Variants in PRDM10 observed in about 807,000 individuals in gnomAD.
The protein encoded by PRDM10 is PR/SET domain 10.
In PRDM10, 65 loss-of-function variants were observed where a neutral mutation model predicts 133.1. The observed-to-expected ratio is 0.49, with a 90% confidence interval of 0.40 to 0.60. PRDM10 has a LOEUF of 0.60. Ranked by LOEUF, PRDM10 falls within the 20% of genes least tolerant of loss-of-function variation. The pLI is 0.00. For missense variants in PRDM10, 1,137 were observed against 1,507.1 expected (o/e 0.75, Z 4.07); for synonymous variants, 582 against 580.4 (o/e 1.00, Z -0.04).
intron 4 of PRDM10, among the ~76,000 whole-genome samples, chr11:129,948,682 C>T (rs371854204): frequency 1.6e-4 from 25 of 152,322 alleles, no homozygotes; most frequent in African/African-American, 5.3e-4. Flanking sequence ...GTAACCCTTC[C>T]GCCACAAGAA....
intron 16 of PRDM10, 63 bp downstream of exon 16, chr11:129,915,596 CT>C: frequency 6.7e-7 from 1 of 1,496,370 alleles, no homozygotes; most frequent in Non-Finnish European, 8.9e-7. Flanking sequence ...GAGAAGCCAC[CT>C]TTCCTTAAGA....
intron 9 of PRDM10, among the ~76,000 whole-genome samples, chr11:129,934,068 C>A (rs1054525454): frequency 1.3e-5 from 2 of 152,218 alleles, no homozygotes; most frequent in African/African-American, 4.8e-5. Flanking sequence ...TCCACTGGAA[C>A]CACTCCCTCG....
At chr11:129,989,040 A>G (rs1342306273) in intron 1 of PRDM10, among the ~76,000 whole-genome samples, 1 of 152,242 alleles carries the variant, frequency 6.6e-6, no homozygotes, top group Non-Finnish European at 1.5e-5. Flanking sequence ...GGATGGGGCT[A>G]TAAAAGACCA....
At chr11:129,925,318 C>T in intron 11 of PRDM10, 89 bp from the exon 12 acceptor site, 2 of 1,236,084 alleles carry the variant, frequency 1.6e-6, no homozygotes, top group Admixed American at 5.5e-5. Flanking sequence ...AGGATGATCT[C>T]TGCAATCACA....
intron 2 of PRDM10, among the ~76,000 whole-genome samples, chr11:129,958,305 C>A (rs1422351295): frequency 1.3e-5 from 2 of 152,150 alleles, no homozygotes; most frequent in Middle Eastern, 3.2e-3. Flanking sequence ...CATAAGAATT[C>A]TATTTTATAA....
At chr11:129,998,374 G>GT (rs1186403270) in intron 1 of PRDM10, among the ~76,000 whole-genome samples, 1 of 150,194 alleles carries the variant, frequency 6.7e-6, no homozygotes, top group African/African-American at 2.5e-5. Context: ...AAGGACATGG[G>GT]TTAAAAAAAA....
intron 1 of PRDM10, among the ~76,000 whole-genome samples, chr11:129,963,579 C>A (rs1951846133): frequency 1.3e-5 from 2 of 152,132 alleles, no homozygotes. Flanking sequence ...CAGTTCCCTG[C>A]ATGTTAACAT....
chr11:129,969,516 T>G (rs562206585), intron 1 of PRDM10, among the ~76,000 whole-genome samples: 8 of 152,118 alleles, frequency 5.3e-5, no homozygotes, highest in South Asian at 2.1e-4. Flanking sequence ...TAGGAAGGCC[T>G]GGCACAGTGG....
At chr11:129,939,960 A>C (rs1414212406) in intron 7 of PRDM10, among the ~76,000 whole-genome samples, 1 of 152,202 alleles carries the variant, frequency 6.6e-6, no homozygotes, top group Non-Finnish European at 1.5e-5. Flanking sequence ...CAGAACACTT[A>C]TTTTTAAAAT....
At chr11:129,995,837 T>C (rs1215746103) in intron 1 of PRDM10, among the ~76,000 whole-genome samples, 4 of 151,972 alleles carry the variant, frequency 2.6e-5, no homozygotes, top group African/African-American at 7.3e-5. Context: ...TCCCAGCTAC[T>C]TGGGGGGCTG....
intron 1 of PRDM10, among the ~76,000 whole-genome samples, chr11:129,966,711 T>G (rs1951914286): frequency 1.3e-5 from 2 of 152,222 alleles, no homozygotes; most frequent in South Asian, 4.1e-4. Flanking sequence ...GATGTGTTGT[T>G]ATTACTGAGA....
intron 1 of PRDM10, among the ~76,000 whole-genome samples, chr11:129,965,733 T>G (rs1565499685): frequency 6.8e-6 from 1 of 147,064 alleles, no homozygotes; most frequent in Non-Finnish European, 1.5e-5. Context: ...AAGAAACATG[T>G]TTATCAAAAA....
At chr11:129,959,622 T>C (rs1951758095) in intron 2 of PRDM10, among the ~76,000 whole-genome samples, 1 of 152,186 alleles carries the variant, frequency 6.6e-6, no homozygotes, top group African/African-American at 2.4e-5. Flanking sequence ...TGTTTTGCTT[T>C]TTAATGAACT....
chr11:129,923,202 T>C lies in PRDM10; in HGVS notation c.2034+46A>G, dbSNP rs771980681. 4.6e-6 allele frequency: 7 copies of C among 1,513,406 alleles called. No homozygotes were observed. The highest frequency in any genetic ancestry group is 6.2e-6 in the Non-Finnish European group (7 of 1,127,124). 93.7% of individuals were successfully genotyped at this position (1,513,406 alleles called of 1,614,324 possible). A position where few individuals can be genotyped will look rare whatever the true frequency, so the allele number is the denominator to read the frequency against. ...GCATTTACCCTCAGCTTGCTATAAT[T>C]CCAGTGGCCACGAGAACCACCTTGG... On this transcript the variant is annotated intron_variant, in intron 13 of 20. Coordinates refer to ENST00000360871, the MANE Select transcript of PRDM10 (RefSeq NM_199437.2). This position sits in a 1 kb window ranked among gnomAD's most constrained non-coding sequence, Gnocchi z 4.4.
chr11:129,949,376 T>C (rs1951518795), intron 4 of PRDM10, among the ~76,000 whole-genome samples: 1 of 152,244 alleles, frequency 6.6e-6, no homozygotes, highest in African/African-American at 2.4e-5. Flanking sequence ...GTGTATAGCA[T>C]TTAGTAACTG....
intron 4 of PRDM10, among the ~76,000 whole-genome samples, chr11:129,950,123 GCTA>G (rs770066524): frequency 2.0e-4 from 31 of 152,010 alleles, no homozygotes; most frequent in Non-Finnish European, 1.5e-5. Flanking sequence ...TGTGGTCCCA[GCTA>G]CTCAGGAGAC....
chr11:129,912,669 G>A (rs545787909), intron 17 of PRDM10, among the ~76,000 whole-genome samples: 129 of 151,294 alleles, frequency 8.5e-4, no homozygotes, highest in African/African-American at 2.5e-3. Flanking sequence ...GGAGAATGGC[G>A]TGAACCTGGG....
chr11:129,967,580 T>C (rs1445607354), intron 1 of PRDM10, among the ~76,000 whole-genome samples: 1 of 152,158 alleles, frequency 6.6e-6, no homozygotes, highest in Non-Finnish European at 1.5e-5. Flanking sequence ...ATTTTTTTCA[T>C]GCTTGGTGAA....
Position 129,969,677 on chromosome 11 carries a change from C to T in PRDM10, c.-118-8595G>A, listed in dbSNP as rs185687660. On this transcript the variant is annotated intron_variant, in intron 1 of 20. Transcript: ENST00000360871. ...AAAAAATTAGCCGGGCGTGGTGGTG[C>T]GTGCCTGTAATCCCAGCTACCCAGG... is the stretch of plus-strand genomic sequence containing the variant. Among the ~76,000 whole-genome samples, 198 of 150,422 alleles carry T rather than the reference C, an allele frequency of 1.3e-3. 1 individual carries two copies. The highest frequency in any genetic ancestry group is 4.7e-3 in the African/African-American group (194 of 41,006).
Sources: allele counts gnomAD v4.1 joint callset (sites outside exome capture counted in the v4.1 genomes callset), GRCh38; gene constraint gnomAD v4.1.1; non-coding constraint Gnocchi (gnomAD v3.1); transcripts MANE v1.5; gene names NCBI Gene and HGNC (gene_info 2026-07-23, HGNC 2026-07-21).